BLTP1: variants seen among roughly 807,000 people sequenced by gnomAD.
BLTP1 encodes the protein bridge-like lipid transfer protein family member 1.
At chr4:122,305,804 A>G in the BLTP1 span, 1 of 1,407,842 alleles carries the variant, frequency 7.1e-7, no homozygotes, top group East Asian at 2.5e-5. Flanking sequence ...GAACAATACC[A>G]TTAATAATGT....
chr4:122,153,279 T>G, the BLTP1 span, among the ~76,000 whole-genome samples: 1 of 150,886 alleles, frequency 6.6e-6, no homozygotes, highest in Non-Finnish European at 1.5e-5. Flanking sequence ...TCTAAGCGCC[T>G]GTAAGTTTCA....
At chr4:122,160,295 A>G in the BLTP1 span, among the ~76,000 whole-genome samples, 1 of 152,216 alleles carries the variant, frequency 6.6e-6, no homozygotes, top group Non-Finnish European at 1.5e-5. Flanking sequence ...AATCCCATTA[A>G]GATATCTTTC....
At chr4:122,247,446 AT>A in the BLTP1 span, 6 of 1,425,564 alleles carry the variant, frequency 4.2e-6, no homozygotes, top group Non-Finnish European at 5.8e-6. Flanking sequence ...TCCTTTGACT[AT>A]TGCTACAATT....
At chr4:122,176,858 G>C in the BLTP1 span, among the ~76,000 whole-genome samples, 1 of 152,152 alleles carries the variant, frequency 6.6e-6, no homozygotes, top group Non-Finnish European at 1.5e-5. Context: ...TCTCTAAACT[G>C]TTATATCAAG....
chr4:122,289,132 T>G, the BLTP1 span: 1 of 1,610,558 alleles, frequency 6.2e-7, no homozygotes, highest in Non-Finnish European at 8.5e-7. Flanking sequence ...TCTAAACCAC[T>G]TGGTATTTGT....
chr4:122,251,534 C>A, the BLTP1 span: 42 of 974,906 alleles, frequency 4.3e-5, no homozygotes, highest in Non-Finnish European at 4.9e-5. Context: ...GATGGATTAT[C>A]ACTTTAATTA....
chr4:122,205,499 TTC>T, the BLTP1 span, among the ~76,000 whole-genome samples: 38,241 of 140,208 alleles, frequency 0.27, 5,188 homozygotes, highest in South Asian at 0.46. Context: ...TTCCAATTGT[TTC>T]TCTCTCTCTC....
At chr4:122,260,039 C>A in the BLTP1 span, 1 of 443,854 alleles carries the variant, frequency 2.3e-6, no homozygotes, top group Non-Finnish European at 3.0e-6. Flanking sequence ...GATCATTAGG[C>A]AATTTGTCAT....
the BLTP1 span, chr4:122,334,339 TAC>T: frequency 6.6e-7 from 1 of 1,521,100 alleles, no homozygotes; most frequent in Admixed American, 1.7e-5. Flanking sequence ...TTTATTTCAA[TAC>T]AGTTGCATTA....
chr4:122,336,409 TAGA>T, the BLTP1 span: 7 of 1,199,878 alleles, frequency 5.8e-6, no homozygotes, highest in Admixed American at 2.5e-5. Context: ...TCTTATTATA[TAGA>T]AGGTTTTCTT....
At chr4:122,167,137 T>TA in the BLTP1 span, among the ~76,000 whole-genome samples, 2 of 152,204 alleles carry the variant, frequency 1.3e-5, no homozygotes, top group African/African-American at 2.4e-5. Context: ...TCAGGACCTG[T>TA]TAGTGAACAT....
chr4:122,317,637 T>TG, the BLTP1 span, among the ~76,000 whole-genome samples: 1 of 142,920 alleles, frequency 7.0e-6, no homozygotes. Context: ...GTACTGGTGC[T>TG]TTTTTTTTTT....
the BLTP1 span, chr4:122,273,080 A>G: frequency 6.1e-5 from 18 of 296,366 alleles, no homozygotes; most frequent in African/African-American, 3.9e-4. Flanking sequence ...TCTTGCAGCA[A>G]TGATTATATA....
chr4:122,204,033 T>A, the BLTP1 span: 2 of 185,016 alleles, frequency 1.1e-5, no homozygotes, highest in African/African-American at 4.8e-5. Flanking sequence ...ATACAACCAA[T>A]ATACATTGTA....
the BLTP1 span, chr4:122,185,231 A>G: frequency 1.0e-6 from 1 of 981,372 alleles, no homozygotes; most frequent in Non-Finnish European, 1.2e-6. Context: ...AGTTTTCTAA[A>G]ACATCTGTTA....
the BLTP1 span, chr4:122,209,091 C>T: frequency 7.1e-7 from 1 of 1,413,688 alleles, no homozygotes; most frequent in Non-Finnish European, 9.2e-7. Context: ...ACAGGTTTGC[C>T]CGTAAGTATT....
the BLTP1 span, among the ~76,000 whole-genome samples, chr4:122,323,659 G>T: frequency 6.6e-6 from 1 of 151,902 alleles, no homozygotes; most frequent in Non-Finnish European, 1.5e-5. Flanking sequence ...GTCTCTGATA[G>T]TAATAATGGA....
chr4:122,247,494 A>T, the BLTP1 span: 89 of 1,073,248 alleles, frequency 8.3e-5, no homozygotes, highest in Non-Finnish European at 1.2e-4. Context: ...ATTTCTCCCT[A>T]TATTGAACAC....
At chr4:122,206,592 C>T in the BLTP1 span, among the ~76,000 whole-genome samples, 2 of 151,654 alleles carry the variant, frequency 1.3e-5, no homozygotes, top group African/African-American at 4.8e-5. Flanking sequence ...ATATATAACA[C>T]AAAAATTTGG....
Sources: allele counts gnomAD v4.1 joint callset (sites outside exome capture counted in the v4.1 genomes callset), GRCh38; gene constraint gnomAD v4.1.1; transcripts MANE v1.5; gene names NCBI Gene and HGNC (gene_info 2026-07-23, HGNC 2026-07-21).